The following CPPED1 variants were observed in gnomAD, a reference collection of about 807,000 sequenced individuals.
CPPED1 encodes calcineurin like phosphoesterase domain containing 1, also known as serine/threonine-protein phosphatase CPPED1.
Under a neutral mutation model 28.0 loss-of-function variants are expected in CPPED1, and 28 were observed. The ratio of observed to expected loss-of-function variants is 1.00; its 90% confidence interval spans 0.74 to 1.37. The LOEUF (loss-of-function observed/expected upper bound fraction) is 1.37, where lower values mean the gene tolerates loss of function less well. Ranked by LOEUF, CPPED1 falls within the 40% of genes most tolerant of loss-of-function variation. The pLI, the probability that CPPED1 is intolerant of heterozygous loss-of-function variation, is 0.00. For missense variants in CPPED1, 504 were observed against 416.5 expected (o/e 1.21, Z -1.83); for synonymous variants, 198 against 180.2 (o/e 1.10, Z -0.79).
chr16:12,732,489 CA>C (rs1567289524), intron 2 of CPPED1, among the ~76,000 whole-genome samples: 5 of 111,254 alleles, frequency 4.5e-5, no homozygotes, highest in South Asian at 3.1e-4. Context: ...CACACACACA[CA>C]GATGGAGAGA....
At chr16:12,783,646 A>G (rs1167037663) in intron 1 of CPPED1, among the ~76,000 whole-genome samples, 1 of 152,132 alleles carries the variant, frequency 6.6e-6, no homozygotes, top group Non-Finnish European at 1.5e-5. Flanking sequence ...CACCCATCAC[A>G]CTGAGCTCAC....
intron 1 of CPPED1, among the ~76,000 whole-genome samples, chr16:12,789,293 C>G (rs746807790): frequency 1.3e-5 from 2 of 152,176 alleles, no homozygotes; most frequent in African/African-American, 4.8e-5. Flanking sequence ...CTATGGTAAT[C>G]TTTCCATTTT....
chr16:12,705,186 A>T, intron 2 of CPPED1, 137 bp from the exon 3 acceptor site: 1 of 930,808 alleles, frequency 1.1e-6, no homozygotes, highest in Non-Finnish European at 1.6e-6. Context: ...GGAAACTGCA[A>T]AATGCAGTCA....
intron 2 of CPPED1, among the ~76,000 whole-genome samples, chr16:12,770,678 G>A (rs1261775822): frequency 6.6e-6 from 1 of 152,034 alleles, no homozygotes; most frequent in South Asian, 2.1e-4. Flanking sequence ...AAAATCAGCC[G>A]GTGTGGTGGC....
intron 2 of CPPED1, among the ~76,000 whole-genome samples, chr16:12,780,162 G>C (rs759662823): frequency 3.9e-5 from 6 of 151,930 alleles, no homozygotes; most frequent in Non-Finnish European, 8.8e-5. Flanking sequence ...ATGAGCCTGG[G>C]ACTTTGTTTT....
rs189575224 is a variant in CPPED1 at position 12,682,907 on chromosome 16, C to T, written c.716-17792G>A. On this transcript the variant is annotated intron_variant, in intron 3 of 3. Coordinates refer to ENST00000381774, the MANE Select transcript of CPPED1 (RefSeq NM_018340.3). This position sits in a 1 kb window ranked among gnomAD's most constrained non-coding sequence, Gnocchi z 6.1. ...CAGAATGGACAATTTTCTAGATTTCCATGCTCTATCTTAAACACAGCTGTC... is the reference window on the plus strand; with the variant it reads ...CAGAATGGACAATTTTCTAGATTTCTATGCTCTATCTTAAACACAGCTGTC... Among the ~76,000 whole-genome samples, 1 of 152,328 alleles carries T rather than the reference C, an allele frequency of 6.6e-6. No homozygotes were observed. The highest frequency in any genetic ancestry group is 2.4e-5 in the African/African-American group (1 of 41,580).
chr16:12,707,584 G>C (rs2080058310), intron 2 of CPPED1, among the ~76,000 whole-genome samples: 1 of 152,120 alleles, frequency 6.6e-6, no homozygotes. Flanking sequence ...CCCCTCACAT[G>C]CTAACTGAGG....
chr16:12,679,012 T>A (rs991527026), intron 3 of CPPED1, among the ~76,000 whole-genome samples: 2 of 152,240 alleles, frequency 1.3e-5, no homozygotes. Flanking sequence ...GCTAAATTAT[T>A]CTTCAGAAAA....
chr16:12,755,881 C>A (rs2080363387), intron 2 of CPPED1, among the ~76,000 whole-genome samples: 2 of 152,224 alleles, frequency 1.3e-5, no homozygotes, highest in South Asian at 4.2e-4. Context: ...GCCTGTAAAC[C>A]CAGCACTTTG....
intron 1 of CPPED1, among the ~76,000 whole-genome samples, chr16:12,793,843 T>G (rs1337794703): frequency 6.6e-6 from 1 of 152,194 alleles, no homozygotes; most frequent in African/African-American, 2.4e-5. Flanking sequence ...TTATATACTG[T>G]GGATATTGCT....
chr16:12,698,436 T>C (rs144743968), intron 3 of CPPED1, among the ~76,000 whole-genome samples: 7 of 152,266 alleles, frequency 4.6e-5, no homozygotes, highest in Non-Finnish European at 8.8e-5. Context: ...TTTGAATTTT[T>C]TTTATTTATT....
chr16:12,801,988 G>T (rs945076630), intron 1 of CPPED1, among the ~76,000 whole-genome samples: 1 of 152,144 alleles, frequency 6.6e-6, no homozygotes, highest in African/African-American at 2.4e-5. Context: ...ACAGCCAGGC[G>T]AGGCAACCCC....
At chr16:12,693,917 T>C (rs1480537446) in intron 3 of CPPED1, among the ~76,000 whole-genome samples, 2 of 152,226 alleles carry the variant, frequency 1.3e-5, no homozygotes, top group African/African-American at 4.8e-5. Flanking sequence ...AAATCATTTT[T>C]ACTTGGCCGG....
chr16:12,736,648 T>TA (rs2080228150), intron 2 of CPPED1, among the ~76,000 whole-genome samples: 1 of 152,170 alleles, frequency 6.6e-6, no homozygotes, highest in Non-Finnish European at 1.5e-5. Context: ...AGGAGAGACT[T>TA]AGATTCAGTA....
intron 2 of CPPED1, among the ~76,000 whole-genome samples, chr16:12,776,771 T>C (rs138361941): frequency 0.044 from 6,704 of 152,070 alleles, 298 homozygotes; most frequent in East Asian, 0.25. Context: ...ATACAAAAAT[T>C]AGCCGGGTGT....
intron 1 of CPPED1, among the ~76,000 whole-genome samples, chr16:12,794,021 C>G (rs2080611769): frequency 6.6e-6 from 1 of 151,798 alleles, no homozygotes; most frequent in African/African-American, 2.4e-5. Context: ...GCTCTGGGGA[C>G]TAATCTTATT....
intron 3 of CPPED1, among the ~76,000 whole-genome samples, chr16:12,677,758 C>G (rs879844772): frequency 1.3e-5 from 2 of 152,222 alleles, no homozygotes; most frequent in Non-Finnish European, 1.5e-5. Flanking sequence ...CTCTCATCCC[C>G]AAATCCTGTT....
rs538709393 is a variant in CPPED1, at chr16:12,748,975, A to C, written c.289+32210T>G. Among the ~76,000 whole-genome samples the C allele has an allele frequency of 5.3e-5, 8 of 152,216 alleles. No individual in the cohort carries two copies. The South Asian group carries it at 1.7e-3, about 32-fold the overall frequency. On this transcript the variant is annotated intron_variant, in intron 2 of 3. Transcript: ENST00000381774. ...TATTGCTAAAAAAAAAAATGCTAGC[A>C]ATCATCTGAGCCTTCAGTGAATCAC...
intron 2 of CPPED1, among the ~76,000 whole-genome samples, chr16:12,751,757 C>T (rs565844347): frequency 6.6e-6 from 1 of 152,182 alleles, no homozygotes; most frequent in Non-Finnish European, 1.5e-5. Context: ...TAATGTTTTA[C>T]TTCTGAAGCT....
Sources: allele counts gnomAD v4.1 joint callset (sites outside exome capture counted in the v4.1 genomes callset), GRCh38; gene constraint gnomAD v4.1.1; non-coding constraint Gnocchi (gnomAD v3.1); transcripts MANE v1.5; gene names NCBI Gene and HGNC (gene_info 2026-07-23, HGNC 2026-07-21).